The following DMD variants were observed in gnomAD, a reference collection of about 807,000 sequenced individuals.
DMD encodes the protein mutant dystrophin.
DMD carries 63 observed loss-of-function variants against 330.1 expected under a neutral mutation model. The ratio of observed to expected loss-of-function variants is 0.19; its 90% confidence interval spans 0.16 to 0.24. The LOEUF (loss-of-function observed/expected upper bound fraction) is 0.24, where lower values mean the gene tolerates loss of function less well. Among genes scored for constraint, DMD ranks in the 10% least tolerant of loss-of-function variants. The pLI is 1.00. For missense variants in DMD, 3,344 were observed against 2,684.1 expected (o/e 1.25, Z -5.43); for synonymous variants, 1,223 against 959.8 (o/e 1.27, Z -5.07).
intron 29 of DMD, among the ~76,000 whole-genome samples, chrX:32,428,224 T>A (rs1275902436): frequency 8.9e-6 from 1 of 111,962 alleles, no homozygotes; most frequent in African/African-American, 3.2e-5. Context: ...TTTTTATTTT[T>A]ATTATCACTC....
In DMD at chrX:32,642,925, G is replaced by T. The variant is rs562282144; in HGVS notation, c.1331+1207C>A. On this transcript the variant is annotated intron_variant, in intron 11 of 78. Coordinates refer to ENST00000357033, the MANE Select transcript of DMD (RefSeq NM_004006.3). ...CTAATTTTGTTTGAGGTTGCTTTAA[G>T]TTCCACAGATCACTGCAAATAGAAG... 4.5e-5 allele frequency among the ~76,000 whole-genome samples: 5 copies of T among 111,358 alleles called. No individual in the cohort carries two copies. In the South Asian group the frequency reaches 1.9e-3, roughly 42 times the overall value.
chrX:32,096,764 A>T (rs1167452176), intron 44 of DMD, among the ~76,000 whole-genome samples: 1 of 111,495 alleles, frequency 9.0e-6, no homozygotes, highest in Non-Finnish European at 1.9e-5. Context: ...TTAAAATAAG[A>T]CTATATACGC....
chrX:32,463,574 C>A lies in DMD; in HGVS notation c.3297G>T (p.Gln1099His). The A allele has an allele frequency of 8.6e-7, 1 of 1,157,306 alleles. No individual in the cohort carries two copies. The highest frequency in any genetic ancestry group is 2.5e-5 in the Admixed American group (1 of 40,577). Residue 1099 changes from glutamine to histidine, a missense_variant, in exon 25 of 79, where the codon CAG (glutamine) becomes CAT (histidine). Physicochemically the swap from Gln to His is conservative, Grantham distance 24. Transcript: ENST00000357033. ...KQCRLLVSDIQTIQPSLNSVN... is the reference protein window; with the variant it reads ...KQCRLLVSDIHTIQPSLNSVN... ...CACTGTTTAGACTGGGCTGAATTGT[C>A]TGAATATCACTGACTAAAAGCTAAG...
intron 44 of DMD, among the ~76,000 whole-genome samples, chrX:32,120,338 G>T: frequency 8.9e-6 from 1 of 111,979 alleles, no homozygotes; most frequent in Non-Finnish European, 1.9e-5. Flanking sequence ...CTGCACCAAA[G>T]TTACTGGACC....
rs761766065 is a variant in DMD, at chrX:32,442,772, A to G, written c.3787-1458T>C. 1.4e-3 allele frequency among the ~76,000 whole-genome samples: 159 copies of G among 111,123 alleles called. 1 individual carries two copies. Among genetic ancestry groups the G allele is most frequent in the African/African-American group, 5.0e-3 (154 of 30,754 alleles). The stretch of plus-strand genomic sequence containing the variant: ...TCCACTGCAAGGAGAATGGAAAAAT[A>G]TACCGTCATCTTTAAACAGAGAATA... On this transcript the variant is annotated intron_variant, in intron 27 of 78. Coordinates refer to ENST00000357033, the MANE Select transcript of DMD (RefSeq NM_004006.3).
chrX:31,941,453 A>C (rs1025343856), intron 45 of DMD, among the ~76,000 whole-genome samples: 6 of 111,590 alleles, frequency 5.4e-5, no homozygotes, highest in African/African-American at 2.0e-4. Flanking sequence ...CGTATCAATA[A>C]GCATGTCCTC....
intron 62 of DMD, among the ~76,000 whole-genome samples, chrX:31,306,765 T>C (rs1312271769): frequency 9.0e-6 from 1 of 111,414 alleles, no homozygotes; most frequent in Non-Finnish European, 1.9e-5. Context: ...CTCAAGTACT[T>C]TTTTTCTTCA....
intron 2 of DMD, among the ~76,000 whole-genome samples, chrX:32,899,849 G>A (rs1175019630): frequency 2.7e-5 from 3 of 111,494 alleles, no homozygotes; most frequent in Non-Finnish European, 5.6e-5. Flanking sequence ...TAAAGTAAGA[G>A]TTTGACTTAT....
chrX:32,469,875 T>G, intron 22 of DMD, among the ~76,000 whole-genome samples: 1 of 111,230 alleles, frequency 9.0e-6, no homozygotes, highest in South Asian at 3.8e-4. Flanking sequence ...TCAATCAATA[T>G]CCTATCTATC....
chrX:32,135,726 A>T (rs372940466), intron 44 of DMD, among the ~76,000 whole-genome samples: 1 of 112,568 alleles, frequency 8.9e-6, no homozygotes, highest in Admixed American at 9.4e-5. Flanking sequence ...TCTCAAAAAA[A>T]TGTGATCCAC....
At chrX:32,422,641 A>C (rs901686263) in intron 29 of DMD, among the ~76,000 whole-genome samples, 2 of 111,851 alleles carry the variant, frequency 1.8e-5, no homozygotes, top group African/African-American at 6.5e-5. Flanking sequence ...AAAAATTACT[A>C]ATAAATATAT....
intron 7 of DMD, among the ~76,000 whole-genome samples, chrX:32,776,142 C>A (rs769510468): frequency 4.5e-5 from 5 of 111,473 alleles, no homozygotes; most frequent in South Asian, 7.6e-4. Context: ...TACTCCAGTT[C>A]CCAACAAGTT....
chrX:32,288,925 A>C (rs1603630009), intron 42 of DMD, among the ~76,000 whole-genome samples: 1 of 111,486 alleles, frequency 9.0e-6, no homozygotes, highest in African/African-American at 3.3e-5. Flanking sequence ...GCACCTCAGA[A>C]GAAACAAGAA....
intron 1 of DMD, among the ~76,000 whole-genome samples, chrX:33,255,218 T>A (rs1218598070): frequency 9.0e-6 from 1 of 110,883 alleles, no homozygotes; most frequent in African/African-American, 3.2e-5. Flanking sequence ...ATTTAACAAA[T>A]CTAAGTGGAA....
At chrX:32,680,519 G>A (rs973112323) in intron 9 of DMD, among the ~76,000 whole-genome samples, 2 of 110,687 alleles carry the variant, frequency 1.8e-5, no homozygotes, top group Admixed American at 9.6e-5. Flanking sequence ...TCATGGAATG[G>A]TGAAAAATCT....
At chrX:32,097,113 G>C (rs768285609) in intron 44 of DMD, among the ~76,000 whole-genome samples, 1 of 110,827 alleles carries the variant, frequency 9.0e-6, no homozygotes, top group Non-Finnish European at 1.9e-5. Flanking sequence ...TTTAAGTTCT[G>C]GGAAACATGT....
chrX:32,206,183 C>G (rs2097068024), intron 44 of DMD: 1 of 510,525 alleles, frequency 2.0e-6, no homozygotes, highest in Non-Finnish European at 3.6e-6. Flanking sequence ...CATCAGTGGT[C>G]TTACGGTTGA....
chrX:32,428,689 G>A (rs770710768), intron 29 of DMD, among the ~76,000 whole-genome samples: 2 of 111,457 alleles, frequency 1.8e-5, no homozygotes, highest in South Asian at 3.7e-4. Context: ...TCAGCTCACT[G>A]CAACCTCTGC....
rs767478544 is a variant in DMD at position 33,009,494 on chromosome X, A to G, written c.93+10645T>C. On this transcript the variant is annotated intron_variant, in intron 2 of 78. Transcript: ENST00000357033. ...TGTGTATGTGTATACACATGTGTGT[A>G]TATGTATATGTGTATATACACATAT... 2.4e-4 allele frequency among the ~76,000 whole-genome samples: 21 copies of G among 86,316 alleles called. 1 individual carries two copies. The highest frequency in any genetic ancestry group is 7.5e-4 in the African/African-American group (17 of 22,671). The allele number at this position is 86,316 out of a possible 115,157, so 75.0% of individuals were successfully genotyped here.
Sources: gnomAD v4.1 joint callset for allele counts (sites outside exome capture counted in the v4.1 genomes callset) on GRCh38, gnomAD v4.1.1 for gene constraint, MANE v1.5 for transcripts, NCBI Gene and HGNC (gene_info 2026-07-23, HGNC 2026-07-21) for gene names.